PLXDC2: variants seen among roughly 807,000 people sequenced by gnomAD.
PLXDC2 encodes the protein plexin domain-containing protein 2.
In PLXDC2, 40 loss-of-function variants were observed where a neutral mutation model predicts 68.9. The ratio of observed to expected loss-of-function variants is 0.58; its 90% CI spans 0.45 to 0.76. The LOEUF is 0.76. Ranked by LOEUF, PLXDC2 falls within the 30% of genes least tolerant of loss-of-function variation. The pLI, the probability that PLXDC2 is intolerant of heterozygous loss-of-function variation, is 0.00. For missense variants in PLXDC2, 644 were observed against 661.9 expected (o/e 0.97, Z 0.30); for synonymous variants, 243 against 234.2 (o/e 1.04, Z -0.34).
chr10:20,201,914 CGTAAAACTAAA>C (rs1168990606), intron 9 of PLXDC2, among the ~76,000 whole-genome samples: 4 of 152,012 alleles, frequency 2.6e-5, no homozygotes, highest in African/African-American at 9.7e-5. Flanking sequence ...CGAGGTTGAA[CGTAAAACTAAA>C]ACCATCTTAG....
chr10:19,988,162 T>C (rs1174816959), intron 1 of PLXDC2, among the ~76,000 whole-genome samples: 2 of 152,194 alleles, frequency 1.3e-5, no homozygotes, highest in Admixed American at 1.3e-4. Context: ...TTCGTTAGAA[T>C]TTTAGAAGCT....
chr10:20,242,271 T>G (rs1222992011), intron 12 of PLXDC2, among the ~76,000 whole-genome samples: 2 of 152,190 alleles, frequency 1.3e-5, no homozygotes, highest in Non-Finnish European at 2.9e-5. Context: ...GGCAAAAACA[T>G]AGTTTATATA....
chr10:20,052,958 C>T (rs1835930922), intron 3 of PLXDC2, among the ~76,000 whole-genome samples: 1 of 151,904 alleles, frequency 6.6e-6, no homozygotes, highest in Admixed American at 6.6e-5. Flanking sequence ...AGAAATATTT[C>T]CCTCTTTACC....
chr10:20,073,773 A>G (rs781488398), intron 4 of PLXDC2, among the ~76,000 whole-genome samples: 5 of 152,170 alleles, frequency 3.3e-5, no homozygotes, highest in Non-Finnish European at 5.9e-5. Context: ...TGTTTTTTGC[A>G]TATCACACTA....
At chr10:20,164,655 A>T (rs1426338737) in intron 7 of PLXDC2, 88 bp downstream of exon 7, 4 of 630,458 alleles carry the variant, frequency 6.3e-6, no homozygotes, top group Admixed American at 3.0e-5. Context: ...TACCTGAATT[A>T]AAAAAAAAAT....
In PLXDC2 at chr10:19,963,647, T is replaced by G. The variant is rs558787946; in HGVS notation, c.113-38128T>G. On this transcript the variant is annotated intron_variant, in intron 1 of 13. Transcript: ENST00000377252. ...GTGGGAATTGAACAATGAGAACACA[T>G]GGACACAGGAAGGGGAACATCACAC... 2.0e-5 allele frequency among the ~76,000 whole-genome samples: 3 copies of G among 151,498 alleles called. No individual in the cohort carries two copies. The South Asian group carries it at 6.3e-4, about 32-fold the overall frequency.
At chr10:20,093,877 G>A (rs561636612) in intron 4 of PLXDC2, among the ~76,000 whole-genome samples, 3 of 152,074 alleles carry the variant, frequency 2.0e-5, no homozygotes, top group African/African-American at 7.2e-5. Context: ...GTTTCACCCT[G>A]TTGCTCAGGC....
chr10:19,972,549 A>G (rs1049466948), intron 1 of PLXDC2, among the ~76,000 whole-genome samples: 8 of 152,232 alleles, frequency 5.3e-5, no homozygotes, highest in Non-Finnish European at 1.2e-4. Context: ...AGCAACATGC[A>G]ATTTGCCCAT....
At position 20,048,781 on chromosome 10, in the gene PLXDC2, G is replaced by C. The variant is rs371312655; in HGVS notation, c.471+1766G>C. ...CCCAAGGTAAGACAGTTTGTGTCCTGCCTCTCCTTAAAGAAGCCTGTTCTC... is the reference window on the plus strand; with the variant it reads ...CCCAAGGTAAGACAGTTTGTGTCCTCCCTCTCCTTAAAGAAGCCTGTTCTC... On this transcript the variant is annotated intron_variant, in intron 3 of 13. Coordinates refer to ENST00000377252, the MANE Select transcript of PLXDC2 (RefSeq NM_032812.9). Among the ~76,000 whole-genome samples, 84 of 152,190 alleles carry C rather than the reference G, an allele frequency of 5.5e-4. 1 individual carries two copies. In the East Asian group the frequency reaches 9.9e-3, roughly 18 times the overall value.
chr10:20,029,392 T>C (rs555603300), intron 2 of PLXDC2, among the ~76,000 whole-genome samples: 176 of 151,038 alleles, frequency 1.2e-3, no homozygotes, highest in Non-Finnish European at 1.9e-3. Context: ...ATGCATGACA[T>C]GTAAAAGAAA....
intron 4 of PLXDC2, among the ~76,000 whole-genome samples, chr10:20,131,306 G>C (rs1833864513): frequency 6.6e-6 from 1 of 151,538 alleles, no homozygotes; most frequent in Non-Finnish European, 1.5e-5. Context: ...ACTGCTTCTA[G>C]GTTATCGAAT....
Position 20,209,410 on chromosome 10 carries a change from T to C in PLXDC2, c.1062-2259T>C, listed in dbSNP as rs574521526. Among the ~76,000 whole-genome samples the C allele has an allele frequency of 3.4e-3, 522 of 151,860 alleles. 2 individuals carry two copies. Among genetic ancestry groups the C allele is most frequent in the African/African-American group, 0.011 (469 of 41,418 alleles). ...GTGGGGTGGGGGAAGAGGGGAGGGA[T>C]AGCATTAGGAGATATACCTAATGTT... is the stretch of plus-strand genomic sequence containing the variant. On this transcript the variant is annotated intron_variant, in intron 9 of 13. Coordinates refer to ENST00000377252, the MANE Select transcript of PLXDC2 (RefSeq NM_032812.9).
intron 4 of PLXDC2, chr10:20,071,114 G>A (rs1024915796): frequency 2.6e-5 from 4 of 151,986 alleles, no homozygotes; most frequent in African/African-American, 9.7e-5. Flanking sequence ...TATTTAAAGA[G>A]GCAGAGTCAA....
Position 20,279,877 on chromosome 10 carries a change from G to T in PLXDC2, c.*58G>T. ...TTACAGGTGTTAAGACTAAAATTTT[G>T]CCTATACCTTTAAGACAAACAAACA... is the stretch of plus-strand genomic sequence containing the variant. On this transcript the variant is annotated 3_prime_UTR_variant, in exon 14 of 14. Coordinates refer to ENST00000377252, the MANE Select transcript of PLXDC2 (RefSeq NM_032812.9). 1 of 1,425,934 alleles carries T rather than the reference G, an allele frequency of 7.0e-7. No individual in the cohort carries two copies. The highest frequency in any genetic ancestry group is 9.9e-7 in the Non-Finnish European group (1 of 1,013,748). The allele number at this position is 1,425,934 out of a possible 1,614,324, so 88.3% of individuals were successfully genotyped here.
rs1383647923 is a variant in PLXDC2 at position 19,883,138 on chromosome 10, A to AT, written c.112+65952dup. On this transcript the variant is annotated intron_variant, in intron 1 of 13. Transcript: ENST00000377252. ...CGCCCGGCTAATTTTTTGTTTTTGTATTTTTAGTAGAGATGGGGTTTCACT... is the reference window on the plus strand; with the variant it reads ...CGCCCGGCTAATTTTTTGTTTTTGTATTTTTTAGTAGAGATGGGGTTTCACT... Among the ~76,000 whole-genome samples the AT allele has an allele frequency of 3.3e-5, 5 of 151,284 alleles. No individual in the cohort carries two copies. The East Asian group carries it at 9.7e-4, about 29-fold the overall frequency.
In PLXDC2 at chr10:20,217,594, TG is replaced by T; in HGVS notation, c.1273+19del. 8.0e-6 allele frequency: 11 copies of T among 1,380,722 alleles called. No individual in the cohort carries two copies. Among genetic ancestry groups the T allele is most frequent in the South Asian group, 6.8e-5 (4 of 58,476 alleles). 85.5% of individuals were successfully genotyped at this position (1,380,722 alleles called of 1,614,324 possible). A position where few individuals can be genotyped will look rare whatever the true frequency, so the allele number is the denominator to read the frequency against. On this transcript the variant is annotated intron_variant, in intron 11 of 13. Transcript: ENST00000377252. ...TACAGAAGGTACCCAAGAGATAGTT[TG>T]CTTTTTTTTTTTTTTTTTTTTTTTT...
At chr10:20,055,424 G>A (rs112399138) in intron 3 of PLXDC2, among the ~76,000 whole-genome samples, 212 of 151,820 alleles carry the variant, frequency 1.4e-3, no homozygotes, top group African/African-American at 4.8e-3. Context: ...TTTTCTTTGC[G>A]TCCAAAAATC....
chr10:20,070,905 A>G (rs1449802198), intron 4 of PLXDC2: 3 of 152,044 alleles, frequency 2.0e-5, no homozygotes, highest in Non-Finnish European at 4.4e-5. Context: ...ATCAAACCCA[A>G]CCAGATAGCT....
intron 2 of PLXDC2, among the ~76,000 whole-genome samples, chr10:20,016,571 G>C (rs1296227487): frequency 6.6e-6 from 1 of 152,154 alleles, no homozygotes; most frequent in African/African-American, 2.4e-5. Context: ...GAAAAACAGA[G>C]GAAAGTAAGT....
Sources: gnomAD v4.1 joint callset for allele counts (sites outside exome capture counted in the v4.1 genomes callset) on GRCh38, gnomAD v4.1.1 for gene constraint, MANE v1.5 for transcripts, NCBI Gene and HGNC (gene_info 2026-07-23, HGNC 2026-07-21) for gene names.